Variants in AKIP1 observed in about 807,000 individuals in gnomAD.
AKIP1 encodes the protein A-kinase-interacting protein 1.
In AKIP1, 18 loss-of-function variants were observed where a neutral mutation model predicts 22.3. The ratio of observed to expected loss-of-function variants is 0.81; its 90% CI spans 0.56 to 1.19. AKIP1 has a LOEUF of 1.19. AKIP1 is among the 50% of genes most tolerant of loss of function. The probability of loss-of-function intolerance (pLI) is 0.00; values close to 1 mark genes in which losing one functional copy is unlikely to be tolerated. For missense variants in AKIP1, 287 were observed against 264.6 expected (o/e 1.08, Z -0.59); for synonymous variants, 120 against 102.7 (o/e 1.17, Z -1.02).
rs1373782278 is a variant in AKIP1 at position 8,919,505 on chromosome 11, C to T, written c.*25C>T. 3 of 1,608,402 alleles carry T rather than the reference C, an allele frequency of 1.9e-6. No homozygotes were observed. The highest frequency in any genetic ancestry group is 2.5e-6 in the Non-Finnish European group (3 of 1,177,950). On this transcript the variant is annotated 3_prime_UTR_variant, in exon 6 of 6. Coordinates refer to ENST00000309377, the MANE Select transcript of AKIP1 (RefSeq NM_020642.4). ...ATGTTGACCATCACTGCCATCACAT[C>T]ACCTTTTTTTAAGTAGTAAGAATAA... is the stretch of plus-strand genomic sequence containing the variant.
intron 1 of AKIP1, 108 bp downstream of exon 1, chr11:8,911,331 C>T (rs2064336105): frequency 2.1e-6 from 2 of 940,962 alleles, no homozygotes; most frequent in Non-Finnish European, 3.2e-6. Context: ...TGGGGGCGGA[C>T]CAGGAGCGGT....
Position 8,911,456 on chromosome 11 carries a change from A to C in AKIP1, c.7A>C (p.Asn3His). 2 of 1,595,278 alleles carry C rather than the reference A, an allele frequency of 1.3e-6. No homozygotes were observed. The highest frequency in any genetic ancestry group is 1.7e-6 in the Non-Finnish European group (2 of 1,171,134). The part of the protein sequence containing the change: MD[N>H]CLAAAALNGV... ...TGTGCCCACTCAGGGAGCCATGGAC[A>C]ACTGTTTGGCGGCCGCAGCGCTGAA... The change falls in exon 2 of 6, where the codon AAC becomes CAC. Residue 3 changes from asparagine (N) to histidine (H), a missense_variant. Physicochemically the swap from Asn to His is moderately conservative, Grantham distance 68 (BLOSUM62 1). Coordinates refer to ENST00000309377, the MANE Select transcript of AKIP1 (RefSeq NM_020642.4).
At position 8,914,894 on chromosome 11, in the gene AKIP1, G is replaced by A. The variant is rs764697362; in HGVS notation, c.372G>A (p.Ser124=). The A allele has an allele frequency of 2.2e-5, 36 of 1,613,798 alleles. No homozygotes were observed. The highest frequency in any genetic ancestry group is 1.7e-4 in the Middle Eastern group (1 of 5,992). ...THVYRYHRGE[S]KLHMCLDIGN... Reference sequence around the variant, plus strand: ...TCTATCGTTATCACAGAGGCGAGTCGAAGCTGCACATGTGCTTGGACATAG... The same window carrying A: ...TCTATCGTTATCACAGAGGCGAGTCAAAGCTGCACATGTGCTTGGACATAG... Residue 124 remains serine (S), a synonymous_variant, in exon 4 of 6, where the codon TCG becomes TCA. Transcript: ENST00000309377.
intron 3 of AKIP1, among the ~76,000 whole-genome samples, chr11:8,912,871 CTTTTTT>C (rs71059196): frequency 2.2e-5 from 2 of 92,972 alleles, no homozygotes; most frequent in South Asian, 4.3e-4. Flanking sequence ...TTTTTTTTAA[CTTTTTT>C]TTTTTTTTTT....
At chr11:8,919,232 G>A (rs1021872485) in intron 5 of AKIP1, 105 bp from the exon 6 acceptor site, 20 of 1,090,500 alleles carry the variant, frequency 1.8e-5, no homozygotes, top group Middle Eastern at 2.4e-4. Flanking sequence ...CCACATTAGC[G>A]CTTCATTCCA....
rs2064545942 is a variant in AKIP1, at chr11:8,919,564, T to G, written c.*84T>G. On this transcript the variant is annotated 3_prime_UTR_variant, in exon 6 of 6. Coordinates refer to ENST00000309377, the MANE Select transcript of AKIP1 (RefSeq NM_020642.4). ...TATGATTCTCTTAATAGCTATACATTAATCCTGTTTTTAGTGCTGACTGGG... is the reference window on the plus strand; with the variant it reads ...TATGATTCTCTTAATAGCTATACATGAATCCTGTTTTTAGTGCTGACTGGG... 6.9e-7 allele frequency: 1 copy of G among 1,453,120 alleles called. No homozygotes were observed. Among genetic ancestry groups the G allele is most frequent in the Non-Finnish European group, 9.4e-7 (1 of 1,064,644 alleles). The allele number at this position is 1,453,120 out of a possible 1,614,324, so 90.0% of individuals were successfully genotyped here. A position where few individuals can be genotyped will look rare whatever the true frequency, so the allele number is the denominator to read the frequency against.
chr11:8,917,433 G>A (rs1218923029), intron 5 of AKIP1, 66 bp downstream of exon 5: 1 of 1,152,758 alleles, frequency 8.7e-7, no homozygotes, highest in East Asian at 2.3e-5. Flanking sequence ...CAGTTGACAT[G>A]GTTCTTAGAG....
intron 2 of AKIP1, 143 bp downstream of exon 2, chr11:8,911,814 T>A (rs2064361533): frequency 1.2e-6 from 1 of 838,894 alleles, no homozygotes; most frequent in East Asian, 2.8e-5. Flanking sequence ...AATGGAAAAG[T>A]CCTTTCAAAA....
At chr11:8,912,074 G>C (rs1265771154) in intron 2 of AKIP1, among the ~76,000 whole-genome samples, 1 of 148,422 alleles carries the variant, frequency 6.7e-6, no homozygotes, top group Non-Finnish European at 1.5e-5. Context: ...GCGCATGTCT[G>C]TAATCCCAGG....
intron 2 of AKIP1, among the ~76,000 whole-genome samples, chr11:8,911,896 TAAAA>T (rs34044522): frequency 5.5e-5 from 8 of 144,850 alleles, no homozygotes; most frequent in African/African-American, 1.8e-4. Context: ...GTTGGTTACT[TAAAA>T]AAAAAAAAAA....
chr11:8,913,066 A>G (rs958436446), intron 3 of AKIP1, among the ~76,000 whole-genome samples: 2 of 146,276 alleles, frequency 1.4e-5, no homozygotes, highest in African/African-American at 2.6e-5. Flanking sequence ...TTTTTAGTAG[A>G]GACGGGGTTT....
At chr11:8,916,949 T>G (rs2064495112) in intron 4 of AKIP1, among the ~76,000 whole-genome samples, 1 of 152,180 alleles carries the variant, frequency 6.6e-6, no homozygotes, top group African/African-American at 2.4e-5. Context: ...TAAGTGCCAC[T>G]TTTGCACTTT....
At position 8,919,400 on chromosome 11, in the gene AKIP1, G is replaced by A. The variant is rs2064541274; in HGVS notation, c.553G>A (p.Gly185Ser). The change falls in exon 6 of 6, where the codon GGC (glycine) becomes AGC (serine). Residue 185 changes from glycine (G) to serine (S), a missense_variant. Gly to Ser is a moderately conservative substitution (Grantham distance 56). Transcript: ENST00000309377. ...VYPGTYSVTV[G>S]SNDLTKKTHV... ...TCCAGGGACCTATTCTGTCACTGTG[G>A]GCTCAAATGACTTAACCAAGAAGAC... 8 of 1,613,962 alleles carry A rather than the reference G, an allele frequency of 5.0e-6. No individual in the cohort carries two copies. Among genetic ancestry groups the A allele is most frequent in the South Asian group, 1.1e-5 (1 of 91,072 alleles).
At chr11:8,915,931 C>T (rs1223652926) in intron 4 of AKIP1, among the ~76,000 whole-genome samples, 1 of 148,988 alleles carries the variant, frequency 6.7e-6, no homozygotes, top group East Asian at 2.0e-4. Context: ...TCACGCCATT[C>T]TTCTGCCTCA....
At chr11:8,913,102 A>AT (rs2064424392) in intron 3 of AKIP1, among the ~76,000 whole-genome samples, 1 of 147,712 alleles carries the variant, frequency 6.8e-6, no homozygotes, top group Non-Finnish European at 1.5e-5. Flanking sequence ...GATGGTCTCC[A>AT]TCTCCTGACC....
chr11:8,916,443 G>A lies in AKIP1; in HGVS notation c.409-844G>A, dbSNP rs369118663. ...TTGAACTGATTCAAAGGAGGAGGTGGTGGTGGTGGTTTCTGAGGAGACTAG... is the reference window on the plus strand; with the variant it reads ...TTGAACTGATTCAAAGGAGGAGGTGATGGTGGTGGTTTCTGAGGAGACTAG... On this transcript the variant is annotated intron_variant, in intron 4 of 5. Transcript: ENST00000309377. 3.4e-4 allele frequency among the ~76,000 whole-genome samples: 52 copies of A among 152,300 alleles called. No individual in the cohort carries two copies. The Middle Eastern group carries it at 0.017, about 50-fold the overall frequency.
chr11:8,912,596 C>T, intron 3 of AKIP1, 63 bp downstream of exon 3: 1 of 1,446,486 alleles, frequency 6.9e-7, no homozygotes. Flanking sequence ...TTGGATCTTT[C>T]TGGAATTTAC....
chr11:8,911,678 G>A lies in AKIP1; in HGVS notation c.222+7G>A, dbSNP rs1409814141. 6.6e-6 allele frequency: 10 copies of A among 1,517,870 alleles called. No individual in the cohort carries two copies. In the South Asian group the frequency reaches 1.0e-4, roughly 16 times the overall value. The allele number at this position is 1,517,870 out of a possible 1,614,324, so 94.0% of individuals were successfully genotyped here. On this transcript the variant is annotated splice_region_variant and intron_variant, in intron 2 of 5. Coordinates refer to ENST00000309377, the MANE Select transcript of AKIP1 (RefSeq NM_020642.4). ...GCGCGTTCTCCCGGGAGAGGTGAGG[G>A]TCGCTGTGCCGGGGGCCGCCCCAGT...
At chr11:8,917,446 C>A in intron 5 of AKIP1, 79 bp downstream of exon 5, 1 of 1,055,716 alleles carries the variant, frequency 9.5e-7, no homozygotes, top group Non-Finnish European at 1.5e-6. Flanking sequence ...TCTTAGAGGG[C>A]TATTTGAATT....
Sources: allele counts gnomAD v4.1 joint callset (sites outside exome capture counted in the v4.1 genomes callset), GRCh38; gene constraint gnomAD v4.1.1; transcripts MANE v1.5; gene names NCBI Gene and HGNC (gene_info 2026-07-23, HGNC 2026-07-21).